The following ZNF215 variants were observed in gnomAD, a reference collection of about 807,000 sequenced individuals.
ZNF215 encodes the protein zinc finger protein 215.
ZNF215 carries 24 observed loss-of-function variants against 27.2 expected under a neutral mutation model. The observed-to-expected ratio is 0.88, with a 90% CI of 0.64 to 1.24. The LOEUF is 1.24. Among genes scored for constraint, ZNF215 ranks in the 50% most tolerant of loss-of-function variants. The pLI is 0.00. For missense variants in ZNF215, 675 were observed against 605.7 expected (o/e 1.11, Z -1.20); for synonymous variants, 210 against 204.0 (o/e 1.03, Z -0.25).
rs1441306654 is a variant in ZNF215, at chr11:6,927,749, C to G, written c.-238C>G. The G allele has an allele frequency of 6.6e-6, 1 of 152,234 alleles. No homozygotes were observed. The highest frequency in any genetic ancestry group is 1.5e-5 in the Non-Finnish European group (1 of 68,064). 9.4% of individuals were successfully genotyped at this position (152,234 alleles called of 1,614,324 possible). On this transcript the variant is annotated 5_prime_UTR_variant, in exon 2 of 7. Coordinates refer to ENST00000278319, the MANE Select transcript of ZNF215 (RefSeq NM_013250.4). ...AACTATTCCACCTCGGAAATCTTAC[C>G]TAAATGCAGCATGCCATCCTGAACG...
intron 3 of ZNF215, among the ~76,000 whole-genome samples, chr11:6,938,549 C>A (rs1168853084): frequency 1.3e-5 from 2 of 151,860 alleles, no homozygotes; most frequent in Non-Finnish European, 2.9e-5. Flanking sequence ...TTGCTATATA[C>A]ATACAGTGGA....
chr11:6,949,198 T>A (rs1307250952), intron 6 of ZNF215, among the ~76,000 whole-genome samples: 5 of 151,956 alleles, frequency 3.3e-5, no homozygotes, highest in African/African-American at 4.8e-5. Flanking sequence ...GAATAGTGCC[T>A]CAATAAACAT....
intron 5 of ZNF215, among the ~76,000 whole-genome samples, chr11:6,970,060 G>C (rs1358163989): frequency 6.6e-6 from 1 of 152,140 alleles, no homozygotes; most frequent in Non-Finnish European, 1.5e-5. Flanking sequence ...CGGATTACAA[G>C]CGTGAGCCAC....
chr11:6,984,072 G>T, intron 5 of ZNF215: 1 of 389,678 alleles, frequency 2.6e-6, no homozygotes, highest in South Asian at 1.9e-5. Flanking sequence ...GTATGAAGTG[G>T]TAAAATATTT....
At chr11:6,978,028 T>G (rs983269479) in intron 5 of ZNF215, among the ~76,000 whole-genome samples, 1 of 152,070 alleles carries the variant, frequency 6.6e-6, no homozygotes, top group African/African-American at 2.4e-5. Context: ...TTCAATCCCA[T>G]CAGTGTAATG....
At position 6,957,223 on chromosome 11, in the gene ZNF215, G is replaced by T. The variant is rs941688940; in HGVS notation, c.*692G>T. ...TTTGTTTTGTTATAATGTTATAATT[G>T]TTATGATGTTGATGAGAAAAATATC... On this transcript the variant is annotated 3_prime_UTR_variant, in exon 7 of 7. Transcript: ENST00000278319. The T allele has an allele frequency of 1.0e-6, 1 of 977,810 alleles. No individual in the cohort carries two copies. 60.6% of individuals were successfully genotyped at this position (977,810 alleles called of 1,614,324 possible).
chr11:6,949,976 T>G, intron 6 of ZNF215, among the ~76,000 whole-genome samples: 1 of 152,050 alleles, frequency 6.6e-6, no homozygotes, highest in Admixed American at 6.6e-5. Context: ...CCAGCACCAT[T>G]TATTAAATAG....
At chr11:6,935,106 A>T (rs966325198) in intron 3 of ZNF215, among the ~76,000 whole-genome samples, 2 of 152,222 alleles carry the variant, frequency 1.3e-5, no homozygotes, top group African/African-American at 4.8e-5. Flanking sequence ...TTCATGGAAA[A>T]TGTATTAGCT....
intron 3 of ZNF215, among the ~76,000 whole-genome samples, chr11:6,939,328 A>C (rs912215597): frequency 6.6e-5 from 10 of 152,162 alleles, no homozygotes; most frequent in Admixed American, 5.9e-4. Flanking sequence ...GGCCTAGTAC[A>C]ATTACTTTAG....
intron 6 of ZNF215, among the ~76,000 whole-genome samples, chr11:6,951,737 G>T (rs1212486023): frequency 6.6e-6 from 1 of 151,982 alleles, no homozygotes; most frequent in Non-Finnish European, 1.5e-5. Flanking sequence ...ATTTCCTTCA[G>T]TTCTGCTCTG....
chr11:6,987,799 T>C (rs1337991178), downstream of ZNF215, among the ~76,000 whole-genome samples: 1 of 152,162 alleles, frequency 6.6e-6, no homozygotes, highest in Non-Finnish European at 1.5e-5. Flanking sequence ...CATATCACAG[T>C]ATGTCTTCTT....
chr11:6,957,368 T>G lies in ZNF215; in HGVS notation c.*837T>G, dbSNP rs1012043321. 1 of 209,654 alleles carries G rather than the reference T, an allele frequency of 4.8e-6. No individual in the cohort carries two copies. Among genetic ancestry groups the G allele is most frequent in the African/African-American group, 2.4e-5 (1 of 42,486 alleles). The allele number at this position is 209,654 out of a possible 1,614,324, so 13.0% of individuals were successfully genotyped here. A position where few individuals can be genotyped will look rare whatever the true frequency, so the allele number is the denominator to read the frequency against. On this transcript the variant is annotated 3_prime_UTR_variant, in exon 7 of 7. Transcript: ENST00000278319. Reference sequence around the variant, plus strand: ...AATTGACATATCTAAATTATCTCAGTCTGAGTTTGTGAGGAAGTGTGCCCT... The same window carrying G: ...AATTGACATATCTAAATTATCTCAGGCTGAGTTTGTGAGGAAGTGTGCCCT...
chr11:6,941,145 A>G (rs905588600), intron 3 of ZNF215, among the ~76,000 whole-genome samples: 2 of 152,224 alleles, frequency 1.3e-5, no homozygotes, highest in Admixed American at 6.5e-5. Flanking sequence ...CAGGAAAACA[A>G]TCCTTGGATA....
downstream of ZNF215, among the ~76,000 whole-genome samples, chr11:6,959,971 G>A (rs901825611): frequency 2.0e-4 from 31 of 151,926 alleles, no homozygotes; most frequent in Non-Finnish European, 3.4e-4. Context: ...ATATACAGAT[G>A]TATACATATA....
chr11:6,954,721 C>T (rs1048079303), intron 6 of ZNF215, among the ~76,000 whole-genome samples: 7 of 152,286 alleles, frequency 4.6e-5, no homozygotes, highest in East Asian at 1.9e-4. Flanking sequence ...CTTCGGCTTG[C>T]GCAGGGTGCA....
At chr11:6,971,909 T>G (rs1045711183) in intron 5 of ZNF215, among the ~76,000 whole-genome samples, 8 of 152,132 alleles carry the variant, frequency 5.3e-5, no homozygotes, top group Non-Finnish European at 8.8e-5. Flanking sequence ...CTGGAAAATG[T>G]TATAGAGTAC....
exon 6 of ZNF215, chr11:6,984,470 T>G (rs1206935096): frequency 1.3e-5 from 2 of 153,058 alleles, no homozygotes; most frequent in Admixed American, 1.3e-4. Context: ...TAGAAACTTA[T>G]TTTTACAAAG....
chr11:6,938,451 A>G (rs898222480), intron 3 of ZNF215, among the ~76,000 whole-genome samples: 4 of 152,104 alleles, frequency 2.6e-5, no homozygotes, highest in Admixed American at 2.6e-4. Context: ...ACATAGAATT[A>G]CCATATACCC....
downstream of ZNF215, among the ~76,000 whole-genome samples, chr11:6,987,483 C>A (rs937700545): frequency 1.3e-5 from 2 of 152,096 alleles, no homozygotes; most frequent in African/African-American, 4.8e-5. Flanking sequence ...ATGTAACATA[C>A]ATTTGTAACA....
Sources: allele counts gnomAD v4.1 joint callset (sites outside exome capture counted in the v4.1 genomes callset), GRCh38; gene constraint gnomAD v4.1.1; transcripts MANE v1.5; gene names NCBI Gene and HGNC (gene_info 2026-07-23, HGNC 2026-07-21).